The following CAMKMT variants were observed in gnomAD, a reference collection of about 807,000 sequenced individuals.
CAMKMT encodes calmodulin-lysine N-methyltransferase, also known as CaM KMT.
In CAMKMT, 53 loss-of-function variants were observed where a neutral mutation model predicts 48.0. The observed-to-expected ratio is 1.10, with a 90% CI of 0.89 to 1.39. The LOEUF (loss-of-function observed/expected upper bound fraction) is 1.39, where lower values mean the gene tolerates loss of function less well. Among genes scored for constraint, CAMKMT ranks in the 40% most tolerant of loss-of-function variants. CAMKMT has a pLI of 0.00. For missense variants in CAMKMT, 428 were observed against 402.7 expected (o/e 1.06, Z -0.54); for synonymous variants, 165 against 152.3 (o/e 1.08, Z -0.61).
At chr2:44,643,613 C>T (rs6737437) in intron 3 of CAMKMT, among the ~76,000 whole-genome samples, 91,392 of 151,918 alleles carry the variant, frequency 0.6, 28,286 homozygotes, top group Admixed American at 0.69. Flanking sequence ...TTATTACTTG[C>T]TGGGAAAGAA....
rs1186640458 is a variant in CAMKMT, at chr2:44,643,474, T to C, written c.377-60809T>C. On this transcript the variant is annotated intron_variant, in intron 3 of 10. Transcript: ENST00000378494. ...AGGTCTAGATGGAGGAAAAAGAGCT[T>C]GAACAGTTCTTAAAAGACAGGTAGG... 3.9e-5 allele frequency among the ~76,000 whole-genome samples: 6 copies of C among 152,170 alleles called. No homozygotes were observed. The East Asian group carries it at 1.2e-3, about 29-fold the overall frequency.
chr2:44,616,248 G>C (rs1360641961), intron 3 of CAMKMT, among the ~76,000 whole-genome samples: 1 of 152,068 alleles, frequency 6.6e-6, no homozygotes, highest in Non-Finnish European at 1.5e-5. Context: ...AGTGATCTTT[G>C]AAAAACACAA....
intron 3 of CAMKMT, among the ~76,000 whole-genome samples, chr2:44,527,231 G>A (rs72881113): frequency 6.9e-6 from 1 of 145,386 alleles, no homozygotes; most frequent in Non-Finnish European, 1.5e-5. Context: ...TAGTAGCTGG[G>A]ACTACAGGTG....
chr2:44,491,278 T>G (rs1572639410), intron 3 of CAMKMT, among the ~76,000 whole-genome samples: 1 of 152,076 alleles, frequency 6.6e-6, no homozygotes, highest in Non-Finnish European at 1.5e-5. Context: ...GAAGAGGTGG[T>G]CCATTCTAGG....
chr2:44,557,012 A>G (rs138295170), intron 3 of CAMKMT, among the ~76,000 whole-genome samples: 16 of 152,334 alleles, frequency 1.1e-4, no homozygotes, highest in African/African-American at 3.8e-4. Context: ...ATGCAACAGC[A>G]TGCAAAAGTT....
At chr2:44,442,626 C>G (rs1455930824) in intron 3 of CAMKMT, among the ~76,000 whole-genome samples, 2 of 152,206 alleles carry the variant, frequency 1.3e-5, no homozygotes, top group Non-Finnish European at 2.9e-5. Context: ...TCTTAATTCT[C>G]TGACCGACTT....
intron 3 of CAMKMT, among the ~76,000 whole-genome samples, chr2:44,662,303 G>T (rs533534150): frequency 6.6e-6 from 1 of 152,178 alleles, no homozygotes; most frequent in African/African-American, 2.4e-5. Flanking sequence ...ATGACAATCA[G>T]TGCTTCTGAT....
At chr2:44,440,500 G>A (rs1012600551) in intron 3 of CAMKMT, among the ~76,000 whole-genome samples, 4 of 151,750 alleles carry the variant, frequency 2.6e-5, no homozygotes, top group East Asian at 3.9e-4. Context: ...AACACTTTAA[G>A]TCTTAAGCTG....
chr2:44,692,247 GTTT>G (rs1676697152), intron 3 of CAMKMT, among the ~76,000 whole-genome samples: 1 of 150,860 alleles, frequency 6.6e-6, no homozygotes, highest in Non-Finnish European at 1.5e-5. Flanking sequence ...CATCATTTCT[GTTT>G]TTAATAGTAA....
chr2:44,700,380 T>A (rs1209834564), intron 3 of CAMKMT, among the ~76,000 whole-genome samples: 1 of 152,244 alleles, frequency 6.6e-6, no homozygotes, highest in Non-Finnish European at 1.5e-5. Context: ...ACAACTTGTC[T>A]GTTTAGTGCA....
chr2:44,760,745 A>T (rs975210125), intron 9 of CAMKMT, among the ~76,000 whole-genome samples: 1 of 152,144 alleles, frequency 6.6e-6, no homozygotes, highest in Non-Finnish European at 1.5e-5. Flanking sequence ...TTCTAGAAAG[A>T]TCACTCTGCC....
At chr2:44,586,591 A>G (rs1037051085) in intron 3 of CAMKMT, among the ~76,000 whole-genome samples, 3 of 152,182 alleles carry the variant, frequency 2.0e-5, no homozygotes, top group Non-Finnish European at 4.4e-5. Context: ...TTCACTCAGC[A>G]TAATTATTTA....
intron 3 of CAMKMT, among the ~76,000 whole-genome samples, chr2:44,399,833 G>A (rs1067332): frequency 0.71 from 108,085 of 151,914 alleles, 39,086 homozygotes; most frequent in South Asian, 0.79. Flanking sequence ...CTTTTAGTTA[G>A]GGTGACTGTA....
chr2:44,676,499 G>A (rs1675696825), intron 3 of CAMKMT: 1 of 152,234 alleles, frequency 6.6e-6, no homozygotes, highest in Non-Finnish European at 1.5e-5. Context: ...CTAAACCTCT[G>A]AGTCATCCTT....
chr2:44,640,907 C>T (rs975790826), intron 3 of CAMKMT, among the ~76,000 whole-genome samples: 1 of 152,176 alleles, frequency 6.6e-6, no homozygotes, highest in African/African-American at 2.4e-5. Context: ...AGTGCTGCCT[C>T]TTGAAATCAT....
intron 3 of CAMKMT, among the ~76,000 whole-genome samples, chr2:44,467,244 A>G (rs1668167310): frequency 6.6e-6 from 1 of 152,034 alleles, no homozygotes; most frequent in Non-Finnish European, 1.5e-5. Context: ...CCTGTCTCCA[A>G]AAACAAAAAC....
intron 3 of CAMKMT, among the ~76,000 whole-genome samples, chr2:44,406,922 T>C (rs1261799328): frequency 1.3e-5 from 2 of 152,222 alleles, no homozygotes; most frequent in Admixed American, 1.3e-4. Flanking sequence ...TATTTTTTTA[T>C]ATCTATGCTA....
At chr2:44,503,984 G>GGA (rs370141046) in intron 3 of CAMKMT, among the ~76,000 whole-genome samples, 2,195 of 142,614 alleles carry the variant, frequency 0.015, 24 homozygotes, top group Middle Eastern at 0.039. Flanking sequence ...GAGCGGGTGG[G>GGA]GAGAGAGAGA....
chr2:44,698,277 C>A (rs748508312), intron 3 of CAMKMT, among the ~76,000 whole-genome samples: 79 of 152,178 alleles, frequency 5.2e-4, no homozygotes, highest in Non-Finnish European at 1.0e-3. Flanking sequence ...TTGCCCTGGG[C>A]AGTTACCATG....
Sources: allele counts gnomAD v4.1 joint callset (sites outside exome capture counted in the v4.1 genomes callset), GRCh38; gene constraint gnomAD v4.1.1; transcripts MANE v1.5; gene names NCBI Gene and HGNC (gene_info 2026-07-23, HGNC 2026-07-21).